The following CDH18 variants were observed in gnomAD, a reference collection of about 807,000 sequenced individuals.
CDH18 encodes cadherin-18.
In CDH18, 31 loss-of-function variants were observed where a neutral mutation model predicts 67.9. The observed-to-expected ratio is 0.46, with a 90% CI of 0.34 to 0.62. CDH18 has a LOEUF of 0.62. Ranked by LOEUF, CDH18 falls within the 20% of genes least tolerant of loss-of-function variation. The pLI is 0.01. For missense variants in CDH18, 890 were observed against 975.5 expected (o/e 0.91, Z 1.17); for synonymous variants, 362 against 347.2 (o/e 1.04, Z -0.48).
At chr5:19,881,994 T>C (rs1024085063) in intron 2 of CDH18, among the ~76,000 whole-genome samples, 12 of 152,156 alleles carry the variant, frequency 7.9e-5, no homozygotes, top group Non-Finnish European at 1.3e-4. Flanking sequence ...AATTGTAATG[T>C]ATTTTGAAAA....
intron 6 of CDH18, among the ~76,000 whole-genome samples, chr5:19,598,235 T>C (rs1166612982): frequency 1.3e-5 from 2 of 152,158 alleles, no homozygotes; most frequent in African/African-American, 4.8e-5. Context: ...TAGTACCTCA[T>C]TTCTATTCCT....
chr5:19,552,819 A>C (rs966181449), intron 8 of CDH18, among the ~76,000 whole-genome samples: 2 of 152,168 alleles, frequency 1.3e-5, no homozygotes, highest in African/African-American at 4.8e-5. Flanking sequence ...TGCCTCACCC[A>C]GTACAGGAGA....
At chr5:20,126,850 AC>A (rs1554093620) in intron 2 of CDH18, among the ~76,000 whole-genome samples, 1 of 152,212 alleles carries the variant, frequency 6.6e-6, no homozygotes, top group Non-Finnish European at 1.5e-5. Context: ...ACTTTTGTGC[AC>A]TTTTGATGAG....
chr5:20,484,350 A>G (rs1486616572), intron 1 of CDH18, among the ~76,000 whole-genome samples: 3 of 152,110 alleles, frequency 2.0e-5, no homozygotes, highest in Non-Finnish European at 2.9e-5. Flanking sequence ...TAGTACAACC[A>G]CTATGGAGAA....
intron 2 of CDH18, among the ~76,000 whole-genome samples, chr5:19,956,077 T>C (rs185523062): frequency 3.3e-3 from 496 of 152,124 alleles, no homozygotes; most frequent in Admixed American, 7.4e-3. Flanking sequence ...ACTGATTTTA[T>C]AGTATCTTTA....
chr5:20,343,194 T>G (rs752426883), intron 1 of CDH18, among the ~76,000 whole-genome samples: 2 of 152,138 alleles, frequency 1.3e-5, no homozygotes. Context: ...AAAGTGGCAA[T>G]AGAATAGTCT....
At chr5:20,557,693 TCAAA>T (rs145956751) in intron 1 of CDH18, among the ~76,000 whole-genome samples, 49 of 152,140 alleles carry the variant, frequency 3.2e-4, no homozygotes, top group African/African-American at 1.2e-3. Flanking sequence ...TAAAGATGGT[TCAAA>T]CAAATGAGAA....
intron 1 of CDH18, among the ~76,000 whole-genome samples, chr5:20,570,088 T>TA (rs1173960697): frequency 2.9e-4 from 44 of 152,346 alleles, no homozygotes; most frequent in African/African-American, 1.0e-3. Flanking sequence ...TTCTGTCTGA[T>TA]ACTATAAACG....
At chr5:19,778,276 C>A (rs150396313) in intron 3 of CDH18, among the ~76,000 whole-genome samples, 1 of 152,146 alleles carries the variant, frequency 6.6e-6, no homozygotes, top group Non-Finnish European at 1.5e-5. Context: ...CTCCCCGCAG[C>A]CAATATCTGA....
At chr5:20,425,083 T>C (rs2150165811) in intron 1 of CDH18, among the ~76,000 whole-genome samples, 1 of 150,896 alleles carries the variant, frequency 6.6e-6, no homozygotes, top group South Asian at 2.1e-4. Flanking sequence ...AAAATTAAAA[T>C]AAGGCTGGGC....
At chr5:19,891,956 T>C (rs1164121668) in intron 2 of CDH18, among the ~76,000 whole-genome samples, 1 of 152,192 alleles carries the variant, frequency 6.6e-6, no homozygotes, top group Non-Finnish European at 1.5e-5. Flanking sequence ...TTTAAGGGCA[T>C]TGTCTTGCTG....
chr5:20,164,342 A>G (rs1285198481), intron 2 of CDH18, among the ~76,000 whole-genome samples: 1 of 152,034 alleles, frequency 6.6e-6, no homozygotes, highest in Non-Finnish European at 1.5e-5. Context: ...GCTGTAGTGC[A>G]GTGGTGTGAT....
At chr5:20,089,809 CT>C (rs1311639387) in intron 2 of CDH18, among the ~76,000 whole-genome samples, 2 of 152,100 alleles carry the variant, frequency 1.3e-5, no homozygotes, top group Non-Finnish European at 2.9e-5. Flanking sequence ...TTCTGAAATA[CT>C]TTGTGTTATT....
intron 2 of CDH18, among the ~76,000 whole-genome samples, chr5:19,960,602 T>C (rs7708023): frequency 0.013 from 1,733 of 129,610 alleles, 33 homozygotes; most frequent in Non-Finnish European, 0.018. Context: ...TATATATATA[T>C]ACACACACGT....
chr5:20,132,667 C>T (rs1361711257), intron 2 of CDH18, among the ~76,000 whole-genome samples: 3 of 152,034 alleles, frequency 2.0e-5, no homozygotes, highest in Non-Finnish European at 4.4e-5. Flanking sequence ...ATTTATAATA[C>T]ATCTTTAGTT....
intron 2 of CDH18, among the ~76,000 whole-genome samples, chr5:20,123,076 TA>T (rs1748502197): frequency 6.7e-6 from 1 of 149,268 alleles, no homozygotes; most frequent in South Asian, 2.1e-4. Context: ...ATATATATGA[TA>T]TTTCCTATAT....
chr5:20,529,228 G>C (rs1756252563), intron 1 of CDH18, among the ~76,000 whole-genome samples: 1 of 151,256 alleles, frequency 6.6e-6, no homozygotes, highest in South Asian at 2.1e-4. Flanking sequence ...CCAATAACAA[G>C]TTCCGAAATT....
chr5:19,818,863 A>G (rs1779565368), intron 3 of CDH18, among the ~76,000 whole-genome samples: 1 of 152,198 alleles, frequency 6.6e-6, no homozygotes, highest in African/African-American at 2.4e-5. Flanking sequence ...GTTTCAGGAG[A>G]AAATCAGTTA....
chr5:19,693,234 G>A (rs111309018), intron 5 of CDH18, among the ~76,000 whole-genome samples: 34 of 152,240 alleles, frequency 2.2e-4, no homozygotes, highest in African/African-American at 7.9e-4. Context: ...ATAGTTATCA[G>A]AGGCTTGGTT....
Sources: gnomAD v4.1 joint callset for allele counts (sites outside exome capture counted in the v4.1 genomes callset) on GRCh38, gnomAD v4.1.1 for gene constraint, MANE v1.5 for transcripts, NCBI Gene and HGNC (gene_info 2026-07-23, HGNC 2026-07-21) for gene names.